Variants in KLF17 observed in about 807,000 individuals in gnomAD.
KLF17 encodes the protein Krueppel-like factor 17.
KLF17 carries 31 observed loss-of-function variants against 34.2 expected under a neutral mutation model. That is an observed-to-expected ratio of 0.91 (90% confidence interval 0.68 to 1.22). The LOEUF is 1.22. Among genes scored for constraint, KLF17 ranks in the 50% most tolerant of loss-of-function variants. KLF17 has a pLI of 0.00. For synonymous variants in KLF17, 179 were observed against 186.7 expected, an observed-to-expected ratio of 0.96 and a Z score of 0.34; for missense variants, 478 against 505.2, an observed-to-expected ratio of 0.95 and a Z score of 0.52.
the KLF17 span, chr1:44,104,291 C>T: frequency 6.3e-7 from 1 of 1,584,058 alleles, no homozygotes; most frequent in Admixed American, 1.7e-5. Flanking sequence ...GCTCCGTCTC[C>T]AGCTTCAGCT....
chr1:44,052,100 C>T, the KLF17 span: 2 of 152,164 alleles, frequency 1.3e-5, no homozygotes, highest in Non-Finnish European at 2.9e-5. Context: ...GATAACAGAA[C>T]CTCCTTCACA....
chr1:44,087,227 C>T, the KLF17 span, among the ~76,000 whole-genome samples: 23 of 152,148 alleles, frequency 1.5e-4, no homozygotes, highest in South Asian at 2.5e-3. Flanking sequence ...GTGACTTAAA[C>T]GACAGACATT....
chr1:44,119,148 G>C lies in KLF17; in HGVS notation c.81+160G>C, dbSNP rs2087916307. On this transcript the variant is annotated intron_variant, in intron 1 of 3. Coordinates refer to ENST00000372299, the MANE Select transcript of KLF17 (RefSeq NM_173484.4). Reference sequence around the variant, plus strand: ...AAAGGAAGGAATGGGAGATTGGGGAGGGGTTGCAAAGGGAGGGATGGGAGA... The same window carrying C: ...AAAGGAAGGAATGGGAGATTGGGGACGGGTTGCAAAGGGAGGGATGGGAGA... Among the ~76,000 whole-genome samples the C allele has an allele frequency of 2.0e-5, 3 of 151,506 alleles. 1 individual carries two copies. In the South Asian group the frequency reaches 6.3e-4, roughly 32 times the overall value.
At chr1:44,092,072 G>A in the KLF17 span, among the ~76,000 whole-genome samples, 1 of 148,944 alleles carries the variant, frequency 6.7e-6, no homozygotes, top group African/African-American at 2.5e-5. Context: ...GTCAGGTGCA[G>A]TGGCTCACAC....
At chr1:44,123,230 A>C (rs1329652284) in intron 1 of KLF17, among the ~76,000 whole-genome samples, 1 of 151,688 alleles carries the variant, frequency 6.6e-6, no homozygotes, top group Non-Finnish European at 1.5e-5. Flanking sequence ...GGCAATTTTT[A>C]GGGTTTTTTT....
chr1:44,100,079 T>TACACACACACACAC, the KLF17 span, among the ~76,000 whole-genome samples: 1,161 of 138,594 alleles, frequency 8.4e-3, 9 homozygotes, highest in Middle Eastern at 0.018. Context: ...CTACTAAAAA[T>TACACACACACACAC]ACACACACAC....
the KLF17 span, among the ~76,000 whole-genome samples, chr1:44,098,187 C>T: frequency 6.6e-6 from 1 of 152,096 alleles, no homozygotes; most frequent in Non-Finnish European, 1.5e-5. Flanking sequence ...ATGGTTCAAT[C>T]TCGGTAGGTT....
chr1:44,119,041 G>C (rs1389066023), intron 1 of KLF17, 53 bp downstream of exon 1: 1 of 1,434,854 alleles, frequency 7.0e-7, no homozygotes, highest in African/African-American at 1.4e-5. Flanking sequence ...CTAGGGGGCG[G>C]CGGGGAGGGG....
At chr1:44,084,368 C>A in the KLF17 span, among the ~76,000 whole-genome samples, 1 of 152,028 alleles carries the variant, frequency 6.6e-6, no homozygotes, top group Non-Finnish European at 1.5e-5. Context: ...GTTGCCTAAT[C>A]CTGGAAGCGA....
chr1:44,119,507 T>C (rs992186885), intron 1 of KLF17, among the ~76,000 whole-genome samples: 3 of 151,978 alleles, frequency 2.0e-5, no homozygotes, highest in Non-Finnish European at 2.9e-5. Context: ...GAAACAGATA[T>C]ATATAAAATT....
chr1:44,122,405 C>T (rs771959566), intron 1 of KLF17: 6 of 1,580,450 alleles, frequency 3.8e-6, no homozygotes, highest in Non-Finnish European at 4.4e-6. Flanking sequence ...GATGTGTATT[C>T]ATGCTGACAT....
chr1:44,094,192 TG>T, the KLF17 span, among the ~76,000 whole-genome samples: 1 of 84,864 alleles, frequency 1.2e-5, no homozygotes, highest in East Asian at 3.0e-4. Flanking sequence ...ACAGGTTATT[TG>T]TTTTTTTTTT....
chr1:44,090,647 G>C, the KLF17 span, among the ~76,000 whole-genome samples: 2 of 152,112 alleles, frequency 1.3e-5, no homozygotes, highest in African/African-American at 4.8e-5. Context: ...GAATCCTGTA[G>C]ATCAGAGCAC....
the KLF17 span, among the ~76,000 whole-genome samples, chr1:44,113,500 A>C: frequency 6.6e-6 from 1 of 152,182 alleles, no homozygotes; most frequent in Admixed American, 6.5e-5. Context: ...GGGCAGTGCA[A>C]GTGCAGAGGA....
chr1:44,085,275 A>T, the KLF17 span, among the ~76,000 whole-genome samples: 1 of 152,194 alleles, frequency 6.6e-6, no homozygotes, highest in African/African-American at 2.4e-5. Context: ...ATTATATGTT[A>T]TGTTAGGTCA....
chr1:44,117,474 AT>A (rs1276175181), upstream of KLF17: 142 of 136,828 alleles, frequency 1.0e-3, no homozygotes, highest in African/African-American at 3.7e-3. Flanking sequence ...TATTTATTTT[AT>A]TTTATTTTAT....
Position 44,129,701 on chromosome 1 carries a change from G to C in KLF17, c.430G>C (p.Ala144Pro). 1 of 1,614,160 alleles carries C rather than the reference G, an allele frequency of 6.2e-7. No individual in the cohort carries two copies. Among genetic ancestry groups the C allele is most frequent in the Non-Finnish European group, 8.5e-7 (1 of 1,179,990 alleles). Residue 144 changes from alanine (A) to proline (P), a missense_variant, in exon 2 of 4, where the codon GCC (alanine) becomes CCC (proline). Physicochemically the swap from Ala to Pro is conservative, Grantham distance 27. Coordinates refer to ENST00000372299, the MANE Select transcript of KLF17 (RefSeq NM_173484.4). ...PVGEPNIPRVARPFGGNLRMP... is the reference protein window; with the variant it reads ...PVGEPNIPRVPRPFGGNLRMP... ...AGGAGAGCCCAATATTCCAAGGGTA[G>C]CCAGGCCCTTCGGTGGGAATCTAAG...
At chr1:44,104,489 G>A in the KLF17 span, 1 of 770,152 alleles carries the variant, frequency 1.3e-6, no homozygotes, top group Non-Finnish European at 2.4e-6. Context: ...TGGGGTTCTT[G>A]ATCTGCTCCT....
chr1:44,104,071 G>A, the KLF17 span: 1 of 903,348 alleles, frequency 1.1e-6, no homozygotes, highest in Admixed American at 1.7e-5. Flanking sequence ...TGGGACTGCA[G>A]CTCCCGGATC....
Sources: gnomAD v4.1 joint callset for allele counts (sites outside exome capture counted in the v4.1 genomes callset) on GRCh38, gnomAD v4.1.1 for gene constraint, MANE v1.5 for transcripts, NCBI Gene and HGNC (gene_info 2026-07-23, HGNC 2026-07-21) for gene names.